CRY2: variants seen among roughly 807,000 people sequenced by gnomAD.
CRY2 encodes the protein cryptochrome-2.
A neutral mutation model predicts 69.5 loss-of-function variants in CRY2; 31 were observed. The ratio of observed to expected loss-of-function variants is 0.45; its 90% CI spans 0.34 to 0.60. CRY2 has a LOEUF of 0.60. Among genes scored for constraint, CRY2 ranks in the 20% least tolerant of loss-of-function variants. The pLI is 0.02. For missense variants in CRY2, 606 were observed against 797.8 expected, an observed-to-expected ratio of 0.76 and a Z score of 2.90; for synonymous variants, 303 against 312.2, an observed-to-expected ratio of 0.97 and a Z score of 0.31.
At chr11:45,879,357 C>T (rs1201638145) in intron 11 of CRY2, among the ~76,000 whole-genome samples, 4 of 152,194 alleles carry the variant, frequency 2.6e-5, no homozygotes, top group Non-Finnish European at 4.4e-5. Flanking sequence ...ATTTACCATG[C>T]GGCCTTAAAA....
Position 45,855,993 on chromosome 11 carries a change from A to C in CRY2, c.227A>C (p.Gln76Pro). 6.2e-7 allele frequency: 1 copy of C among 1,614,100 alleles called. No homozygotes were observed. The highest frequency in any genetic ancestry group is 1.7e-5 in the Admixed American group (1 of 60,030). ...VGINRWRFLL[Q>P]SLEDLDTSLR... ...TGTGGACTCCACAGGTTCCTACTTC[A>C]GTCTCTGGAAGATTTGGACACAAGT... Residue 76 changes from glutamine (Q) to proline (P), a missense_variant, in exon 2 of 12, where the codon CAG (glutamine) becomes CCG (proline). Gln to Pro is a moderately conservative substitution (Grantham distance 76). Transcript: ENST00000616080.
intron 1 of CRY2, among the ~76,000 whole-genome samples, chr11:45,855,362 T>A (rs1162515164): frequency 6.6e-6 from 1 of 152,200 alleles, no homozygotes; most frequent in Non-Finnish European, 1.5e-5. Flanking sequence ...AGAGCATGCA[T>A]GCAGAAAGTC....
intron 2 of CRY2, among the ~76,000 whole-genome samples, chr11:45,857,726 G>A (rs183890225): frequency 9.2e-5 from 14 of 152,352 alleles, no homozygotes; most frequent in African/African-American, 2.9e-4. Context: ...TGGAGAAAAT[G>A]TAATTTAATA....
At chr11:45,870,970 T>G in intron 10 of CRY2, 36 bp downstream of exon 10, 1 of 1,547,840 alleles carries the variant, frequency 6.5e-7, no homozygotes. Flanking sequence ...TGGCCTCCTG[T>G]GGCCTGTGCC....
At position 45,855,998 on chromosome 11, in the gene CRY2, C is replaced by T. The variant is rs1251176460; in HGVS notation, c.232C>T (p.Leu78=). Residue 78 remains leucine (L), a synonymous_variant, in exon 2 of 12, where the codon CTG becomes TTG. Coordinates refer to ENST00000616080, the MANE Select transcript of CRY2 (RefSeq NM_021117.5). Reference sequence around the variant, plus strand: ...ACTCCACAGGTTCCTACTTCAGTCTCTGGAAGATTTGGACACAAGTTTAAG... The same window carrying T: ...ACTCCACAGGTTCCTACTTCAGTCTTTGGAAGATTTGGACACAAGTTTAAG... The part of the protein sequence containing the change: ...INRWRFLLQS[L]EDLDTSLRKL... 6.2e-7 allele frequency: 1 copy of T among 1,614,146 alleles called. No individual in the cohort carries two copies. Among genetic ancestry groups the T allele is most frequent in the Non-Finnish European group, 8.5e-7 (1 of 1,179,986 alleles).
intron 1 of CRY2, among the ~76,000 whole-genome samples, chr11:45,851,811 A>G (rs544214681): frequency 2.6e-5 from 4 of 152,300 alleles, no homozygotes; most frequent in East Asian, 1.9e-4. Context: ...TATGTAGCCA[A>G]TCTGTGCCAG....
In CRY2 at chr11:45,870,163, G is replaced by A. The variant is rs759399690; in HGVS notation, c.1305G>A (p.Val435=). 20 of 1,613,542 alleles carry A rather than the reference G, an allele frequency of 1.2e-5. No homozygotes were observed. The South Asian group carries it at 2.1e-4, about 17-fold the overall frequency. Residue 435 remains valine (V), a synonymous_variant, in exon 8 of 12, where the codon GTG becomes GTA. Transcript: ENST00000616080. ...FQQFFHCYCP[V]GFGRRTDPSG... ...AGTTCTTCCACTGCTACTGCCCTGT[G>A]GGCTTTGGCCGTCGCACGGACCCCA... is the stretch of plus-strand genomic sequence containing the variant.
intron 1 of CRY2, among the ~76,000 whole-genome samples, chr11:45,849,286 A>T (rs2086175748): frequency 6.6e-6 from 1 of 152,202 alleles, no homozygotes; most frequent in Non-Finnish European, 1.5e-5. Context: ...TGAAGAAGAA[A>T]AGGAATGTGG....
Position 45,858,849 on chromosome 11 carries a change from C to A in CRY2, c.443C>A (p.Ser148Tyr), listed in dbSNP as rs1250162135. ...EAGVEVVTEN[S>Y]HTLYDLDRII... ...GGTGTGGAAGTAGTGACGGAGAATTCTCATACCCTCTATGACCTGGACAGG... is the reference window on the plus strand; with the variant it reads ...GGTGTGGAAGTAGTGACGGAGAATTATCATACCCTCTATGACCTGGACAGG... Residue 148 changes from serine (S) to tyrosine (Y), a missense_variant, in exon 3 of 12, where the codon TCT (serine) becomes TAT (tyrosine). Physicochemically the swap from Ser to Tyr is moderately radical, Grantham distance 144. Transcript: ENST00000616080. The A allele has an allele frequency of 6.2e-7, 1 of 1,614,116 alleles. No individual in the cohort carries two copies. Among genetic ancestry groups the A allele is most frequent in the East Asian group, 2.2e-5 (1 of 44,886 alleles).
intron 5 of CRY2, among the ~76,000 whole-genome samples, chr11:45,864,539 A>G (rs1055395117): frequency 3.9e-5 from 6 of 151,948 alleles, no homozygotes; most frequent in Non-Finnish European, 8.8e-5. Flanking sequence ...AGAATCACTT[A>G]AGCCCAGGAA....
chr11:45,872,718 G>C (rs2086395901), intron 11 of CRY2, among the ~76,000 whole-genome samples: 1 of 152,114 alleles, frequency 6.6e-6, no homozygotes, highest in Non-Finnish European at 1.5e-5. Flanking sequence ...CCAGCTAAGG[G>C]AAAAAGGGAG....
chr11:45,855,609 A>G (rs1225535675), intron 1 of CRY2, among the ~76,000 whole-genome samples: 1 of 152,216 alleles, frequency 6.6e-6, no homozygotes, highest in African/African-American at 2.4e-5. Context: ...AACAGCTCAC[A>G]TTTATCTCAT....
intron 5 of CRY2, among the ~76,000 whole-genome samples, chr11:45,866,804 G>T (rs548153443): frequency 6.6e-6 from 1 of 152,002 alleles, no homozygotes; most frequent in South Asian, 2.1e-4. Flanking sequence ...GAAATAGGCC[G>T]GGCACAGTGG....
chr11:45,878,291 C>T (rs2086439249), intron 11 of CRY2, among the ~76,000 whole-genome samples: 1 of 152,180 alleles, frequency 6.6e-6, no homozygotes, highest in Non-Finnish European at 1.5e-5. Flanking sequence ...AGATTAACAG[C>T]AGTTATTCTA....
intron 5 of CRY2, among the ~76,000 whole-genome samples, chr11:45,866,968 A>T (rs753389882): frequency 6.6e-4 from 101 of 152,320 alleles, no homozygotes; most frequent in African/African-American, 1.7e-3. Flanking sequence ...AAAAGAAAAA[A>T]AAATAAATAA....
chr11:45,872,421 G>C (rs2086393077), intron 11 of CRY2, among the ~76,000 whole-genome samples, 188 bp downstream of exon 11: 1 of 151,994 alleles, frequency 6.6e-6, no homozygotes, highest in African/African-American at 2.4e-5. Flanking sequence ...TAGGGAATGA[G>C]TACTTTCTGG....
chr11:45,859,780 CTGCTGCTGT>C (rs1238949752), intron 3 of CRY2, among the ~76,000 whole-genome samples: 27 of 152,228 alleles, frequency 1.8e-4, no homozygotes, highest in Non-Finnish European at 2.9e-4. Flanking sequence ...CCTGCTGCTG[CTGCTGCTGT>C]TGCTGCTGCT....
chr11:45,858,899 G>A (rs2086264071), intron 3 of CRY2, 26 bp downstream of exon 3: 1 of 1,605,904 alleles, frequency 6.2e-7, no homozygotes, highest in Non-Finnish European at 8.5e-7. Context: ...CAGGGATCAG[G>A]TTACCAATTG....
intron 4 of CRY2, 119 bp from the exon 5 acceptor site, chr11:45,861,941 C>G (rs2086291171): frequency 3.6e-6 from 3 of 823,690 alleles, no homozygotes; most frequent in East Asian, 2.7e-5. Context: ...TTATCTAACC[C>G]CCAGTAGCAC....
Sources: gnomAD v4.1 joint callset for allele counts (sites outside exome capture counted in the v4.1 genomes callset) on GRCh38, gnomAD v4.1.1 for gene constraint, MANE v1.5 for transcripts, NCBI Gene and HGNC (gene_info 2026-07-23, HGNC 2026-07-21) for gene names.